PLD5: variants seen among roughly 807,000 people sequenced by gnomAD.
PLD5 encodes the protein inactive phospholipase D5.
A neutral mutation model predicts 61.1 loss-of-function variants in PLD5; 36 were observed. The observed-to-expected ratio is 0.59, with a 90% confidence interval of 0.45 to 0.78. The LOEUF (loss-of-function observed/expected upper bound fraction) is 0.78. PLD5 is among the 30% of genes least tolerant of loss of function. The pLI, the probability that PLD5 is intolerant of heterozygous loss-of-function variation, is 0.00. For missense variants in PLD5, 515 were observed against 644.4 expected, an observed-to-expected ratio of 0.80 and a Z score of 2.17; for synonymous variants, 243 against 242.8, an observed-to-expected ratio of 1.00 and a Z score of -0.01.
intron 5 of PLD5, among the ~76,000 whole-genome samples, chr1:242,125,463 T>G (rs1662709777): frequency 6.6e-6 from 1 of 152,136 alleles, no homozygotes; most frequent in African/African-American, 2.4e-5. Context: ...AAGAATTGAG[T>G]GCAGGTTTTC....
intron 1 of PLD5, among the ~76,000 whole-genome samples, chr1:242,493,642 A>G (rs1668247830): frequency 6.6e-6 from 1 of 152,132 alleles, no homozygotes; most frequent in East Asian, 1.9e-4. Flanking sequence ...TTGTCTAGAA[A>G]GCAGCCCCAG....
chr1:242,408,934 G>A (rs929469735), intron 1 of PLD5, among the ~76,000 whole-genome samples: 2 of 152,082 alleles, frequency 1.3e-5, no homozygotes, highest in African/African-American at 4.8e-5. Context: ...AGGCTTTGTG[G>A]CAGGTGCCTG....
intron 1 of PLD5, among the ~76,000 whole-genome samples, chr1:242,494,125 C>G (rs981057307): frequency 9.1e-5 from 13 of 143,188 alleles, no homozygotes; most frequent in East Asian, 6.7e-4. Context: ...CCTCTCCTCC[C>G]CTCTCCTCCC....
intron 1 of PLD5, among the ~76,000 whole-genome samples, chr1:242,408,057 G>A (rs1309322943): frequency 7.8e-6 from 1 of 127,484 alleles, no homozygotes; most frequent in African/African-American, 3.6e-5. Flanking sequence ...TTCTTTTCAT[G>A]ATCAAAACAC....
At chr1:242,204,951 G>A (rs954978213) in intron 5 of PLD5, among the ~76,000 whole-genome samples, 8 of 152,276 alleles carry the variant, frequency 5.3e-5, no homozygotes, top group South Asian at 2.1e-4. Context: ...TGTATAGTGC[G>A]TATGTTACTG....
chr1:242,107,059 G>A (rs889265342), intron 8 of PLD5, among the ~76,000 whole-genome samples: 2 of 152,188 alleles, frequency 1.3e-5, no homozygotes, highest in African/African-American at 4.8e-5. Flanking sequence ...GGGACCTGGG[G>A]CAAGCATGGG....
At chr1:242,411,537 T>G (rs2149289272) in intron 1 of PLD5, among the ~76,000 whole-genome samples, 1 of 152,320 alleles carries the variant, frequency 6.6e-6, no homozygotes, top group Admixed American at 6.5e-5. Context: ...ACCTGGCCTG[T>G]TGTTTTAACT....
chr1:242,375,584 T>C (rs1323763609), intron 1 of PLD5, among the ~76,000 whole-genome samples: 4 of 152,150 alleles, frequency 2.6e-5, no homozygotes, highest in African/African-American at 4.8e-5. Flanking sequence ...CAAGTATCTA[T>C]ATATACACAA....
At chr1:242,314,528 C>G (rs1676891170) in intron 2 of PLD5, among the ~76,000 whole-genome samples, 1 of 152,244 alleles carries the variant, frequency 6.6e-6, no homozygotes. Flanking sequence ...AACTCCTTCT[C>G]TCCGAACTAG....
At chr1:242,410,434 G>A (rs1349882966) in intron 1 of PLD5, among the ~76,000 whole-genome samples, 1 of 151,930 alleles carries the variant, frequency 6.6e-6, no homozygotes, top group Admixed American at 6.6e-5. Flanking sequence ...AATCTCTAGA[G>A]ATACTGCTTT....
Position 242,266,359 on chromosome 1 carries a change from C to T in PLD5, c.496-911G>A, listed in dbSNP as rs1007489079. 7.2e-5 allele frequency among the ~76,000 whole-genome samples: 11 copies of T among 152,168 alleles called. 1 individual carries two copies. The South Asian group carries it at 1.0e-3, about 14-fold the overall frequency. On this transcript the variant is annotated intron_variant, in intron 3 of 9. Coordinates refer to ENST00000536534, the MANE Select transcript of PLD5 (RefSeq NM_001372062.1). ...TTGCACCAGAGCACTCCAGCCTGGG[C>T]GACAGAACAAGAATCCATCTCAACA...
intron 1 of PLD5, among the ~76,000 whole-genome samples, chr1:242,497,138 G>A (rs1238282058): frequency 6.6e-6 from 1 of 152,170 alleles, no homozygotes; most frequent in Non-Finnish European, 1.5e-5. Flanking sequence ...ATAAGCCACT[G>A]CTTTGGGAGC....
intron 5 of PLD5, among the ~76,000 whole-genome samples, chr1:242,148,942 AAT>A (rs754206429): frequency 1.4e-5 from 2 of 146,148 alleles, no homozygotes; most frequent in Non-Finnish European, 3.0e-5. Flanking sequence ...ATTTTTACAT[AAT>A]CATGTCATCT....
intron 1 of PLD5, among the ~76,000 whole-genome samples, chr1:242,509,151 C>G (rs2102998644): frequency 6.6e-6 from 1 of 151,836 alleles, no homozygotes; most frequent in East Asian, 1.9e-4. Context: ...CTGAGGCAGA[C>G]AGATTGCCTG....
intron 5 of PLD5, among the ~76,000 whole-genome samples, chr1:242,207,852 TTATATATTTATATA>T (rs1558344121): frequency 3.0e-3 from 83 of 27,716 alleles, no homozygotes; most frequent in South Asian, 6.2e-3. Flanking sequence ...TTATATATAT[TTATATATTTATATA>T]TTTATATATA....
At chr1:242,501,790 T>TTATATATATATATATA (rs10648981) in intron 1 of PLD5, among the ~76,000 whole-genome samples, 12 of 147,200 alleles carry the variant, frequency 8.2e-5, no homozygotes, top group African/African-American at 2.5e-4. Flanking sequence ...TAATATTCCA[T>TTATATATATATATATA]TATATATATA....
chr1:242,123,258 T>C (rs1042280443), intron 6 of PLD5, among the ~76,000 whole-genome samples: 2 of 152,194 alleles, frequency 1.3e-5, no homozygotes, highest in African/African-American at 4.8e-5. Flanking sequence ...CTATGGCTTA[T>C]TTCTGGTCCC....
At position 242,524,187 on chromosome 1, in the gene PLD5, G is replaced by A. The variant is rs1256238905; in HGVS notation, c.90C>T (p.Ser30=). Residue 30 remains serine, a synonymous_variant, in exon 1 of 10, where the codon TCC becomes TCT. Transcript: ENST00000536534. ...MRLKSRPKEP[S]PSLTRVGANF... Reference sequence around the variant, plus strand: ...TCGCGCCCACTCGGGTCAGGCTTGGGGAGGGCTCCTTGGGGCGGCTTTTGA... The same window carrying A: ...TCGCGCCCACTCGGGTCAGGCTTGGAGAGGGCTCCTTGGGGCGGCTTTTGA... 2 of 1,534,606 alleles carry A rather than the reference G, an allele frequency of 1.3e-6. No individual in the cohort carries two copies. Among genetic ancestry groups the A allele is most frequent in the Admixed American group, 2.0e-5 (1 of 50,960 alleles).
rs376777044 is a variant in PLD5 at position 242,328,434 on chromosome 1, T to C, written c.326+19672A>G. ...CTACACGTTTTCTATATATGTGTGT[T>C]CTACATACATGTGTTGTACATGTGT... On this transcript the variant is annotated intron_variant, in intron 2 of 9. Transcript: ENST00000536534. Among the ~76,000 whole-genome samples, 3 of 152,326 alleles carry C rather than the reference T, an allele frequency of 2.0e-5. No homozygotes were observed. In the East Asian group the frequency reaches 5.8e-4, roughly 29 times the overall value.
Sources: gnomAD v4.1 joint callset for allele counts (sites outside exome capture counted in the v4.1 genomes callset) on GRCh38, gnomAD v4.1.1 for gene constraint, MANE v1.5 for transcripts, NCBI Gene and HGNC (gene_info 2026-07-23, HGNC 2026-07-21) for gene names.